The following CAMSAP1 variants were observed in gnomAD, a reference collection of about 807,000 sequenced individuals.
The protein encoded by CAMSAP1 is calmodulin regulated spectrin associated protein 1.
Under a neutral mutation model 143.5 loss-of-function variants are expected in CAMSAP1, and 58 were observed. The ratio of observed to expected loss-of-function variants is 0.40; its 90% CI spans 0.33 to 0.50. The LOEUF (loss-of-function observed/expected upper bound fraction) is 0.50. Ranked by LOEUF, CAMSAP1 falls within the 20% of genes least tolerant of loss-of-function variation. The probability of loss-of-function intolerance (pLI) is 0.45; values close to 1 mark genes in which losing one functional copy is unlikely to be tolerated. For missense variants in CAMSAP1, 1,969 were observed against 2,115.7 expected (o/e 0.93, Z 1.36); for synonymous variants, 945 against 859.3 (o/e 1.10, Z -1.74).
At chr9:135,817,803 C>T (rs1034028998) in intron 14 of CAMSAP1, 174 bp downstream of exon 14, 1 of 606,194 alleles carries the variant, frequency 1.6e-6, no homozygotes, top group Non-Finnish European at 2.9e-6. Flanking sequence ...CTGGGGAGCC[C>T]GTGTGAAGGG....
chr9:135,901,746 T>C (rs1437120946), intron 1 of CAMSAP1, among the ~76,000 whole-genome samples: 2 of 152,126 alleles, frequency 1.3e-5, no homozygotes, highest in Non-Finnish European at 2.9e-5. Context: ...GCTCGCTCTC[T>C]CGGCACGACA....
At chr9:135,874,489 G>GGC (rs1554797563) in intron 3 of CAMSAP1, among the ~76,000 whole-genome samples, 1 of 144,948 alleles carries the variant, frequency 6.9e-6, no homozygotes, top group East Asian at 2.0e-4. Flanking sequence ...GGGGGGGGGG[G>GGC]GCCACAGGGG....
chr9:135,884,758 T>C (rs1422895393), intron 1 of CAMSAP1, among the ~76,000 whole-genome samples: 1 of 152,162 alleles, frequency 6.6e-6, no homozygotes, highest in African/African-American at 2.4e-5. Flanking sequence ...CTGCTGTCCT[T>C]ACAAACTGCT....
intron 7 of CAMSAP1, chr9:135,837,042 G>C (rs1383637180): frequency 2.7e-6 from 2 of 744,620 alleles, no homozygotes; most frequent in Non-Finnish European, 3.3e-6. Context: ...ATGTTCTAGA[G>C]ACACACATCA....
chr9:135,821,130 C>T lies in CAMSAP1; in HGVS notation c.3531G>A (p.Gln1177=), dbSNP rs368469274. The T allele has an allele frequency of 6.2e-7, 1 of 1,613,294 alleles. No individual in the cohort carries two copies. The highest frequency in any genetic ancestry group is 8.5e-7 in the Non-Finnish European group (1 of 1,179,908). Residue 1177 remains glutamine (Q), a synonymous_variant, in exon 11 of 17, where the codon CAG becomes CAA. Coordinates refer to ENST00000389532, the MANE Select transcript of CAMSAP1 (RefSeq NM_015447.4). The surrounding 1 kb of genome is among the most constrained non-coding windows in gnomAD (Gnocchi z 4.6). The part of the protein sequence containing the change: ...DSYRLHDESN[Q]RTLTLSSSKD... ...TGGAAGAGGACAGAGTAAGTGTCCG[C>T]TGATTGCTTTCATCATGGAGCCTGT...
chr9:135,877,864 TAAA>T (rs1392400662), intron 3 of CAMSAP1, among the ~76,000 whole-genome samples: 2 of 151,694 alleles, frequency 1.3e-5, no homozygotes, highest in Admixed American at 1.3e-4. Flanking sequence ...TGGGCATCAA[TAAA>T]AAATAAAAAG....
intron 1 of CAMSAP1, among the ~76,000 whole-genome samples, chr9:135,903,874 C>G (rs892757364): frequency 6.6e-6 from 1 of 152,276 alleles, no homozygotes; most frequent in South Asian, 2.1e-4. Flanking sequence ...GTTGGGGGGA[C>G]CCACACTGTC....
intron 11 of CAMSAP1, among the ~76,000 whole-genome samples, chr9:135,819,887 G>A (rs758234080): frequency 1.3e-5 from 2 of 151,204 alleles, no homozygotes; most frequent in African/African-American, 4.9e-5. Context: ...AGTTGGTCAC[G>A]AATTTGTTTA....
At chr9:135,862,768 G>A (rs1039242649) in intron 4 of CAMSAP1, among the ~76,000 whole-genome samples, 160 bp from the exon 5 acceptor site, 1 of 152,128 alleles carries the variant, frequency 6.6e-6, no homozygotes, top group East Asian at 1.9e-4. Context: ...TCTGGATTAC[G>A]TACTTTGCCT....
In CAMSAP1 at chr9:135,821,420, G is replaced by A. The variant is rs759578714; in HGVS notation, c.3241C>T (p.Pro1081Ser). ...APVHFVEPLS[P>S]TGVAGHRKAP... is the part of the protein sequence containing the mutation. ...TTGCGGTGGCCAGCCACGCCCGTGG[G>A]AGAGAGTGGCTCCACGAAGTGGACT... is the stretch of plus-strand genomic sequence containing the variant. The change falls in exon 11 of 17, where the codon CCC becomes TCC. Residue 1081 changes from proline (P) to serine (S), a missense_variant. Transcript: ENST00000389532. This position sits in a 1 kb window ranked among gnomAD's most constrained non-coding sequence, Gnocchi z 4.6. 52 of 1,613,936 alleles carry A rather than the reference G, an allele frequency of 3.2e-5. No individual in the cohort carries two copies. Among genetic ancestry groups the A allele is most frequent in the Admixed American group, 8.3e-5 (5 of 60,008 alleles).
intron 1 of CAMSAP1, among the ~76,000 whole-genome samples, chr9:135,886,829 C>T (rs1838139187): frequency 6.6e-6 from 1 of 152,182 alleles, no homozygotes; most frequent in East Asian, 1.9e-4. Context: ...GGAACCACTG[C>T]CCAGGAGGCG....
At chr9:135,841,595 G>C (rs1836355865) in intron 7 of CAMSAP1, among the ~76,000 whole-genome samples, 1 of 152,186 alleles carries the variant, frequency 6.6e-6, no homozygotes, top group South Asian at 2.1e-4. Context: ...CCTCATACAG[G>C]AGAGCTCCGG....
At chr9:135,862,955 C>T (rs1011930449) in intron 4 of CAMSAP1, among the ~76,000 whole-genome samples, 6 of 152,078 alleles carry the variant, frequency 3.9e-5, no homozygotes, top group Non-Finnish European at 7.4e-5. Flanking sequence ...TACCGAAAGC[C>T]GACGTACTAG....
chr9:135,878,118 C>T (rs762813357), intron 3 of CAMSAP1, among the ~76,000 whole-genome samples: 10 of 152,184 alleles, frequency 6.6e-5, no homozygotes, highest in Non-Finnish European at 1.2e-4. Flanking sequence ...GAAATGGTCC[C>T]GGAAATGCAC....
Position 135,882,723 on chromosome 9 carries a change from C to A in CAMSAP1, c.423+93G>T. On this transcript the variant is annotated intron_variant, in intron 2 of 16. Transcript: ENST00000389532. This position sits in a 1 kb window ranked among gnomAD's most constrained non-coding sequence, Gnocchi z 4.9. ...CGGGTCTCCACCACCTCGCCGCACA[C>A]CGTGTTCACACCATCCATGCACCAG... is the stretch of plus-strand genomic sequence containing the variant. 4.2e-6 allele frequency: 6 copies of A among 1,429,216 alleles called. No homozygotes were observed. Among genetic ancestry groups the A allele is most frequent in the Non-Finnish European group, 4.7e-6 (5 of 1,072,876 alleles). The allele number at this position is 1,429,216 out of a possible 1,614,324, so 88.5% of individuals were successfully genotyped here.
At chr9:135,873,570 C>T (rs1837635770) in intron 3 of CAMSAP1, among the ~76,000 whole-genome samples, 1 of 151,870 alleles carries the variant, frequency 6.6e-6, no homozygotes, top group Non-Finnish European at 1.5e-5. Flanking sequence ...AAGAAATTGC[C>T]AACCTCAGGA....
At chr9:135,814,129 A>C (rs1835147025) in intron 16 of CAMSAP1, among the ~76,000 whole-genome samples, 1 of 152,204 alleles carries the variant, frequency 6.6e-6, no homozygotes. Context: ...TGGAAATCTA[A>C]GCAGGAAGGG....
intron 7 of CAMSAP1, among the ~76,000 whole-genome samples, chr9:135,840,293 A>G (rs1221587555): frequency 6.6e-6 from 1 of 152,170 alleles, no homozygotes; most frequent in East Asian, 1.9e-4. Context: ...GAGCGGGCCC[A>G]TGACTCTGAG....
rs370735594 is a variant in CAMSAP1 at position 135,886,576 on chromosome 9, C to T, written c.161-3498G>A. 2.2e-4 allele frequency among the ~76,000 whole-genome samples: 33 copies of T among 152,372 alleles called. No homozygotes were observed. In the South Asian group the frequency reaches 6.6e-3, roughly 31 times the overall value. On this transcript the variant is annotated intron_variant, in intron 1 of 16. Transcript: ENST00000389532. ...CTCACCAGGCTCTTGTGCGTGCCTGCGCTGGGAGGACCTGGGCCCTGCGGG... is the reference window on the plus strand; with the variant it reads ...CTCACCAGGCTCTTGTGCGTGCCTGTGCTGGGAGGACCTGGGCCCTGCGGG...
Sources: allele counts gnomAD v4.1 joint callset (sites outside exome capture counted in the v4.1 genomes callset), GRCh38; gene constraint gnomAD v4.1.1; non-coding constraint Gnocchi (gnomAD v3.1); transcripts MANE v1.5; gene names NCBI Gene and HGNC (gene_info 2026-07-23, HGNC 2026-07-21).